Variants in ABCC12 observed in about 807,000 individuals in gnomAD.
ABCC12 encodes the protein ATP binding cassette subfamily C member 12.
In ABCC12, 142 loss-of-function variants were observed where a neutral mutation model predicts 151.1. That is an observed-to-expected ratio of 0.94 (90% CI 0.82 to 1.08). The LOEUF (loss-of-function observed/expected upper bound fraction) is 1.08, where lower values mean the gene tolerates loss of function less well. Ranked by LOEUF, ABCC12 falls within the 50% of genes least tolerant of loss-of-function variation. The probability of loss-of-function intolerance (pLI) is 0.00; values close to 1 mark genes in which losing one functional copy is unlikely to be tolerated. For missense variants in ABCC12, 1,638 were observed against 1,691.1 expected (o/e 0.97, Z 0.55); for synonymous variants, 645 against 646.4 (o/e 1.00, Z 0.03).
At chr16:48,107,564 A>G (rs1963538640) in intron 19 of ABCC12, 139 bp from the exon 20 acceptor site, 1 of 675,792 alleles carries the variant, frequency 1.5e-6, no homozygotes, top group Admixed American at 2.5e-5. Flanking sequence ...CACCTGCTAG[A>G]CTGATGCAGC....
At chr16:48,101,192 C>T (rs1567446696) in intron 22 of ABCC12, among the ~76,000 whole-genome samples, 183 bp from the exon 23 acceptor site, 3 of 152,294 alleles carry the variant, frequency 2.0e-5, no homozygotes, top group Admixed American at 6.5e-5. Flanking sequence ...GTGGGAATGG[C>T]GGAGGCGTGA....
chr16:48,083,357 T>G lies in ABCC12; in HGVS notation c.*358A>C. 9.4e-6 allele frequency: 2 copies of G among 212,970 alleles called. No individual in the cohort carries two copies. Among genetic ancestry groups the G allele is most frequent in the Non-Finnish European group, 9.1e-6 (1 of 109,568 alleles). The allele number at this position is 212,970 out of a possible 1,614,324, so 13.2% of individuals were successfully genotyped here. A position where few individuals can be genotyped will look rare whatever the true frequency, so the allele number is the denominator to read the frequency against. On this transcript the variant is annotated 3_prime_UTR_variant, in exon 31 of 31. Coordinates refer to ENST00000311303, the MANE Select transcript of ABCC12 (RefSeq NM_001393797.1). ...AACTCCATCCTAAGGCATTTTCCCA[T>G]GTTGTTTATTGTGGCTGATTTCTAA...
intron 8 of ABCC12, among the ~76,000 whole-genome samples, chr16:48,136,268 G>T (rs1365889328): frequency 6.6e-6 from 1 of 152,038 alleles, no homozygotes; most frequent in Admixed American, 6.6e-5. Context: ...CCAGGCCTCT[G>T]CTCCTCCCTA....
In ABCC12 at chr16:48,139,190, T is replaced by C. The variant is rs573408353; in HGVS notation, c.804A>G (p.Ser268=). ...ILGPTALIGI[S]VYVIFIPVQM... is the part of the protein sequence containing the mutation. ...GGACGGGTATGAATATGACATACAC[T>C]GATATCCCGATGAGAGCTGTGGGCC... The change falls in exon 7 of 31, where the codon TCA becomes TCG. Residue 268 remains serine, a synonymous_variant. Transcript: ENST00000311303. 1.9e-6 allele frequency: 3 copies of C among 1,612,246 alleles called. No individual in the cohort carries two copies. In the Admixed American group the frequency reaches 5.1e-5, roughly 27 times the overall value.
intron 20 of ABCC12, 95 bp downstream of exon 20, chr16:48,107,227 C>T (rs1963523492): frequency 1.7e-6 from 2 of 1,193,892 alleles, no homozygotes; most frequent in Admixed American, 1.7e-5. Flanking sequence ...CATGTGGGCT[C>T]ATGGCATGGT....
intron 4 of ABCC12, among the ~76,000 whole-genome samples, chr16:48,141,638 T>A (rs540219348): frequency 6.6e-6 from 1 of 152,170 alleles, no homozygotes; most frequent in Non-Finnish European, 1.5e-5. Context: ...TCAGCTCTTA[T>A]AAGAAGGCAG....
At position 48,081,917 on chromosome 16, in the gene ABCC12, T is replaced by A. The variant is rs1962359178; in HGVS notation, c.*1798A>T. 6.6e-6 allele frequency among the ~76,000 whole-genome samples: 1 copy of A among 152,174 alleles called. No individual in the cohort carries two copies. The highest frequency in any genetic ancestry group is 1.5e-5 in the Non-Finnish European group (1 of 68,032). The stretch of plus-strand genomic sequence containing the variant: ...ATCCCTCCCTGACATTGCACAACTG[T>A]CATGGATTCCCATGGCCAGCACAGA... On this transcript the variant is annotated 3_prime_UTR_variant, in exon 31 of 31. Coordinates refer to ENST00000311303, the MANE Select transcript of ABCC12 (RefSeq NM_001393797.1).
At position 48,088,072 on chromosome 16, in the gene ABCC12, T is replaced by C; in HGVS notation, c.3489A>G (p.Leu1163=). 6.2e-7 allele frequency: 1 copy of C among 1,613,814 alleles called. No homozygotes were observed. The highest frequency in any genetic ancestry group is 1.3e-5 in the African/African-American group (1 of 75,032). Residue 1163 remains leucine, a synonymous_variant, in exon 27 of 31, where the codon TTA becomes TTG. Transcript: ENST00000311303. ...VGRTGSGKSS[L]GMALFRLVEP... is the part of the protein sequence containing the mutation. ...CCACCAGACGAAACAAAGCCATTCCTAACGATGACTTTCCTGGGAACCATA... is the reference window on the plus strand; with the variant it reads ...CCACCAGACGAAACAAAGCCATTCCCAACGATGACTTTCCTGGGAACCATA...
chr16:48,081,101 A>G lies in ABCC12; in HGVS notation c.*2614T>C, dbSNP rs1962325188. ...GGTCTCCACCCTCATGACCTAATTA[A>G]TCACCTCCTAAAGGCCCTACCTCTA... On this transcript the variant is annotated 3_prime_UTR_variant, in exon 31 of 31. Transcript: ENST00000311303. Among the ~76,000 whole-genome samples the G allele has an allele frequency of 6.6e-6, 1 of 151,992 alleles. No homozygotes were observed. Among genetic ancestry groups the G allele is most frequent in the Admixed American group, 6.6e-5 (1 of 15,254 alleles).
chr16:48,088,851 A>G, intron 25 of ABCC12, 117 bp from the exon 26 acceptor site: 1 of 828,588 alleles, frequency 1.2e-6, no homozygotes, highest in Non-Finnish European at 1.8e-6. Flanking sequence ...GGTGAAATAA[A>G]CCAATAATGA....
chr16:48,123,628 T>C (rs1431272033), intron 12 of ABCC12, among the ~76,000 whole-genome samples: 2 of 152,144 alleles, frequency 1.3e-5, no homozygotes, highest in East Asian at 3.9e-4. Context: ...TTCTCATTCA[T>C]GTGGGATGTG....
chr16:48,098,424 C>T (rs1213549875), intron 23 of ABCC12, among the ~76,000 whole-genome samples: 1 of 152,202 alleles, frequency 6.6e-6, no homozygotes, highest in Non-Finnish European at 1.5e-5. Context: ...TCCATGCTGT[C>T]CTGGAAGGCC....
At chr16:48,121,017 C>A (rs542232735) in intron 13 of ABCC12, among the ~76,000 whole-genome samples, 2 of 152,234 alleles carry the variant, frequency 1.3e-5, no homozygotes, top group South Asian at 4.1e-4. Flanking sequence ...TAAAATTTAT[C>A]ATTGTCACCA....
intron 29 of ABCC12, among the ~76,000 whole-genome samples, chr16:48,085,341 C>T (rs116977227): frequency 0.016 from 2,430 of 152,210 alleles, 43 homozygotes; most frequent in Non-Finnish European, 0.021. Flanking sequence ...ACCACTTAGG[C>T]AAGCAGAGTG....
intron 15 of ABCC12, among the ~76,000 whole-genome samples, chr16:48,114,972 G>C (rs1460593288): frequency 1.3e-5 from 2 of 152,162 alleles, no homozygotes; most frequent in African/African-American, 4.8e-5. Context: ...GTGATACCTG[G>C]GGCATCTGGG....
intron 21 of ABCC12, 112 bp downstream of exon 21, chr16:48,105,027 A>G (rs1963439532): frequency 5.7e-6 from 7 of 1,233,140 alleles, no homozygotes; most frequent in East Asian, 2.3e-5. Flanking sequence ...TGCAAGCTCT[A>G]TGAGGGCTCT....
chr16:48,125,207 T>C (rs1211802940), intron 11 of ABCC12, among the ~76,000 whole-genome samples: 7 of 152,274 alleles, frequency 4.6e-5, no homozygotes, highest in Non-Finnish European at 1.0e-4. Flanking sequence ...GGGCAGCCTA[T>C]TGGGTTGGCT....
At chr16:48,090,401 CTTTT>C (rs1011013161) in intron 25 of ABCC12, among the ~76,000 whole-genome samples, 5 of 118,942 alleles carry the variant, frequency 4.2e-5, no homozygotes, top group Admixed American at 8.6e-5. Flanking sequence ...CAAATTTGAA[CTTTT>C]TTTTTTTTTT....
In ABCC12 at chr16:48,087,951, G is replaced by A. The variant is rs909331610; in HGVS notation, c.3610C>T (p.Pro1204Ser). 1.9e-6 allele frequency: 3 copies of A among 1,614,056 alleles called. No individual in the cohort carries two copies. Among genetic ancestry groups the A allele is most frequent in the Middle Eastern group, 1.6e-4 (1 of 6,062 alleles). Residue 1204 changes from proline (P) to serine (S), a missense_variant, in exon 27 of 31, where the codon CCT (proline) becomes TCT (serine). Transcript: ENST00000311303. The part of the protein sequence containing the change: ...RTKLTVIPQD[P>S]VLFVGTVRYN... ...CTTACTGTACCTACAAACAGGACAG[G>A]ATCCTGTGGGATCACAGTCAGCTTG...
Sources: allele counts gnomAD v4.1 joint callset (sites outside exome capture counted in the v4.1 genomes callset), GRCh38; gene constraint gnomAD v4.1.1; transcripts MANE v1.5; gene names NCBI Gene and HGNC (gene_info 2026-07-23, HGNC 2026-07-21).